RHCE: variants seen among roughly 807,000 people sequenced by gnomAD.
RHCE encodes blood group Rh(CE) polypeptide.
Under a neutral mutation model 43.8 loss-of-function variants are expected in RHCE, and 22 were observed. The observed-to-expected ratio is 0.50, with a 90% CI of 0.36 to 0.72. RHCE has a LOEUF of 0.72. Among genes scored for constraint, RHCE ranks in the 30% least tolerant of loss-of-function variants. The pLI is 0.00. For synonymous variants in RHCE, 156 were observed against 210.7 expected (o/e 0.74, Z 2.25); for missense variants, 385 against 525.4 (o/e 0.73, Z 2.61).
At position 25,408,957 on chromosome 1, in the gene RHCE, C is replaced by G. The variant is rs1410527143; in HGVS notation, c.149-88G>C. 1.3e-5 allele frequency: 11 copies of G among 866,162 alleles called. 2 individuals are homozygous for G. The highest frequency in any genetic ancestry group is 1.8e-5 in the Non-Finnish European group (11 of 595,120). 53.7% of individuals were successfully genotyped at this position (866,162 alleles called of 1,614,324 possible). A position where few individuals can be genotyped will look rare whatever the true frequency, so the allele number is the denominator to read the frequency against. On this transcript the variant is annotated intron_variant, in intron 1 of 9. Coordinates refer to ENST00000294413, the MANE Select transcript of RHCE (RefSeq NM_020485.8). The stretch of plus-strand genomic sequence containing the variant: ...AAATTAGAGTCTTACTAAATGGCAG[C>G]TGGAAGGGGCATGCAAGATCGTTTA...
intron 2 of RHCE, among the ~76,000 whole-genome samples, chr1:25,428,485 C>CT (rs1467182861): frequency 1.3e-5 from 2 of 152,224 alleles, no homozygotes; most frequent in Non-Finnish European, 2.9e-5. Context: ...CTTGGTGAAA[C>CT]TTTGAGCTCA....
At chr1:25,414,370 C>T (rs1186601237) in intron 1 of RHCE, among the ~76,000 whole-genome samples, 1 of 152,128 alleles carries the variant, frequency 6.6e-6, no homozygotes, top group Non-Finnish European at 1.5e-5. Flanking sequence ...GCTTCACTCC[C>T]CCAGGCTCTA....
intron 3 of RHCE, among the ~76,000 whole-genome samples, chr1:25,397,291 G>C (rs1217180327): frequency 6.7e-6 from 1 of 149,504 alleles, no homozygotes; most frequent in African/African-American, 2.5e-5. Flanking sequence ...GAGGTCAGGA[G>C]TTTGAGACCA....
intron 3 of RHCE, among the ~76,000 whole-genome samples, chr1:25,397,339 A>C (rs1646580258): frequency 2.7e-5 from 4 of 150,734 alleles, no homozygotes; most frequent in African/African-American, 9.8e-5. Flanking sequence ...TCTACTAAAA[A>C]TACAAAAGTA....
At chr1:25,371,052 G>A (rs1276633321) in intron 8 of RHCE, among the ~76,000 whole-genome samples, 3 of 149,200 alleles carry the variant, frequency 2.0e-5, no homozygotes, top group African/African-American at 5.1e-5. Flanking sequence ...CACCACACCC[G>A]GCCGATTCTG....
At chr1:25,391,954 C>T (rs1211209701) in intron 4 of RHCE, 40 bp downstream of exon 4, 1 of 1,612,356 alleles carries the variant, frequency 6.2e-7, no homozygotes, top group African/African-American at 1.3e-5. Flanking sequence ...CCATTCTGCT[C>T]AGCCCAAGTA....
rs977471333 is a variant in RHCE, at chr1:25,407,633, G to C, written c.335+1050C>G. On this transcript the variant is annotated intron_variant, in intron 2 of 9. Coordinates refer to ENST00000294413, the MANE Select transcript of RHCE (RefSeq NM_020485.8). ...CGTTTACCATCATCTGGGGAGCTGA[G>C]AGATTCAGAGGTTTGAACAAAACAA... Among the ~76,000 whole-genome samples the C allele has an allele frequency of 6.5e-5, 8 of 123,620 alleles. 1 individual carries two copies. The highest frequency in any genetic ancestry group is 2.0e-4 in the African/African-American group (8 of 39,840). 81.1% of individuals were successfully genotyped at this position (123,620 alleles called of 152,430 possible). A position where few individuals can be genotyped will look rare whatever the true frequency, so the allele number is the denominator to read the frequency against.
chr1:25,429,309 T>C (rs1379672388), intron 1 of RHCE, among the ~76,000 whole-genome samples: 1 of 138,166 alleles, frequency 7.2e-6, no homozygotes, highest in Non-Finnish European at 1.5e-5. Flanking sequence ...CCCGCCACCA[T>C]GCCCAGCTAA....
chr1:25,383,250 C>G (rs1265134233), intron 7 of RHCE, among the ~76,000 whole-genome samples: 2 of 152,248 alleles, frequency 1.3e-5, no homozygotes, highest in African/African-American at 4.8e-5. Context: ...GCTCTGATCA[C>G]AGCATCTGAC....
chr1:25,411,328 A>G (rs757082381), intron 1 of RHCE: 15 of 1,550,388 alleles, frequency 9.7e-6, no homozygotes, highest in African/African-American at 1.4e-5. Flanking sequence ...AATCACAGCA[A>G]TAGGAACTCA....
chr1:25,388,867 G>A (rs1646266158), intron 6 of RHCE, 109 bp downstream of exon 6: 2 of 1,567,658 alleles, frequency 1.3e-6, no homozygotes, highest in South Asian at 1.1e-5. Context: ...ATAAGAGAAT[G>A]CACCAACACC....
intron 1 of RHCE, among the ~76,000 whole-genome samples, chr1:25,418,595 GC>G (rs2042667082): frequency 6.6e-6 from 1 of 152,184 alleles, no homozygotes; most frequent in Non-Finnish European, 1.5e-5. Context: ...CAGCTACCTC[GC>G]CCAGCCCCTT....
chr1:25,411,536 G>C, intron 1 of RHCE: 2 of 1,421,782 alleles, frequency 1.4e-6, no homozygotes, highest in South Asian at 1.4e-5. Context: ...ACACCACCAG[G>C]ATATAGGAGA....
intron 2 of RHCE, among the ~76,000 whole-genome samples, chr1:25,404,293 C>G (rs1348411430): frequency 6.7e-6 from 1 of 149,590 alleles, no homozygotes; most frequent in African/African-American, 2.5e-5. Context: ...GTCATGCCAG[C>G]TGATCACAAA....
At chr1:25,381,921 G>A (rs1265225181) in intron 7 of RHCE, among the ~76,000 whole-genome samples, 1 of 150,942 alleles carries the variant, frequency 6.6e-6, no homozygotes. Context: ...TCCATATTCT[G>A]TTGCTATGAC....
chr1:25,413,007 G>C (rs1240140427), intron 1 of RHCE, among the ~76,000 whole-genome samples: 2 of 152,108 alleles, frequency 1.3e-5, no homozygotes, highest in African/African-American at 4.8e-5. Context: ...CTGGATGACA[G>C]AGTGAGACTC....
intron 1 of RHCE, among the ~76,000 whole-genome samples, chr1:25,410,494 A>T (rs150237458): frequency 2.6e-5 from 4 of 151,304 alleles, no homozygotes; most frequent in African/African-American, 9.7e-5. Flanking sequence ...CAGTGGTGCG[A>T]TCTCGGTTTG....
chr1:25,375,277 C>T, intron 8 of RHCE, 72 bp downstream of exon 8: 2 of 1,406,360 alleles, frequency 1.4e-6, no homozygotes, highest in Non-Finnish European at 1.0e-6. Flanking sequence ...CATCCAGCCA[C>T]ACGGCAGGGT....
At chr1:25,391,803 G>A (rs1404263828) in intron 4 of RHCE, among the ~76,000 whole-genome samples, 191 bp downstream of exon 4, 1 of 152,112 alleles carries the variant, frequency 6.6e-6, no homozygotes, top group Non-Finnish European at 1.5e-5. Flanking sequence ...ATGAAGAGAG[G>A]TCCCTAAAAG....
Sources: gnomAD v4.1 joint callset for allele counts (sites outside exome capture counted in the v4.1 genomes callset) on GRCh38, gnomAD v4.1.1 for gene constraint, MANE v1.5 for transcripts, NCBI Gene and HGNC (gene_info 2026-07-23, HGNC 2026-07-21) for gene names.